Variants in CEP128 observed in about 807,000 individuals in gnomAD.
The protein encoded by CEP128 is centrosomal protein 128kDa.
A neutral mutation model predicts 156.7 loss-of-function variants in CEP128; 132 were observed. The observed-to-expected ratio is 0.84, with a 90% confidence interval of 0.73 to 0.97. The LOEUF (loss-of-function observed/expected upper bound fraction) is 0.97. Among genes scored for constraint, CEP128 ranks in the 50% least tolerant of loss-of-function variants. CEP128 has a pLI of 0.00. For synonymous variants in CEP128, 469 were observed against 448.9 expected (o/e 1.04, Z -0.57); for missense variants, 1,252 against 1,281.9 (o/e 0.98, Z 0.36).
intron 23 of CEP128, among the ~76,000 whole-genome samples, chr14:80,522,368 CA>C (rs916852823): frequency 2.6e-5 from 4 of 152,190 alleles, no homozygotes; most frequent in Non-Finnish European, 5.9e-5. Context: ...ATATCACACA[CA>C]TGCTTACATT....
intron 20 of CEP128, among the ~76,000 whole-genome samples, chr14:80,565,832 T>C (rs779679657): frequency 6.6e-6 from 1 of 152,160 alleles, no homozygotes; most frequent in Non-Finnish European, 1.5e-5. Flanking sequence ...AACTTATAGG[T>C]CTAAATAATA....
intron 19 of CEP128, among the ~76,000 whole-genome samples, chr14:80,680,608 T>G (rs186917193): frequency 1.3e-5 from 2 of 152,280 alleles, no homozygotes; most frequent in East Asian, 1.9e-4. Flanking sequence ...ACCCACACTG[T>G]GCAGAAATTG....
intron 19 of CEP128, among the ~76,000 whole-genome samples, chr14:80,649,815 G>A (rs1178612727): frequency 1.3e-5 from 2 of 152,142 alleles, no homozygotes; most frequent in African/African-American, 4.8e-5. Context: ...TTTGGTTACT[G>A]TAGCCTTATA....
At chr14:80,516,718 G>A (rs1888507023) in intron 23 of CEP128, among the ~76,000 whole-genome samples, 1 of 152,052 alleles carries the variant, frequency 6.6e-6, no homozygotes, top group African/African-American at 2.4e-5. Context: ...ACTGTGACAG[G>A]GTAGCACTGA....
intron 14 of CEP128, among the ~76,000 whole-genome samples, chr14:80,482,495 T>C (rs978495323): frequency 6.6e-6 from 1 of 152,206 alleles, no homozygotes; most frequent in Non-Finnish European, 1.5e-5. Flanking sequence ...TTAGAATCAA[T>C]AGCACTCTTA....
intron 19 of CEP128, among the ~76,000 whole-genome samples, chr14:80,681,941 G>GA (rs1368230820): frequency 2.0e-5 from 3 of 151,830 alleles, no homozygotes; most frequent in Admixed American, 6.6e-5. Flanking sequence ...CTGTCTCTAT[G>GA]AAAAAAATAA....
At chr14:80,572,062 T>C (rs1891162190) in intron 20 of CEP128, among the ~76,000 whole-genome samples, 1 of 152,192 alleles carries the variant, frequency 6.6e-6, no homozygotes, top group Admixed American at 6.5e-5. Context: ...ACTTTTTCCC[T>C]CTCCTTTGAC....
chr14:80,731,232 G>A (rs1021471587), intron 19 of CEP128, among the ~76,000 whole-genome samples: 2 of 152,146 alleles, frequency 1.3e-5, no homozygotes, highest in South Asian at 2.1e-4. Flanking sequence ...ATTTTGATAT[G>A]CTATATAGCA....
intron 16 of CEP128, among the ~76,000 whole-genome samples, chr14:80,772,649 C>T (rs765041373): frequency 2.0e-5 from 3 of 152,130 alleles, no homozygotes; most frequent in Admixed American, 6.5e-5. Flanking sequence ...GTCACAGACA[C>T]CCACGCCTGG....
intron 14 of CEP128, among the ~76,000 whole-genome samples, chr14:80,482,241 T>G (rs1441081619): frequency 6.6e-6 from 1 of 152,242 alleles, no homozygotes; most frequent in Non-Finnish European, 1.5e-5. Context: ...TAGTAGTCAC[T>G]GATTGGTGGT....
intron 9 of CEP128, among the ~76,000 whole-genome samples, chr14:80,848,513 T>C (rs1017204884): frequency 1.2e-4 from 18 of 152,024 alleles, no homozygotes; most frequent in Admixed American, 3.3e-4. Flanking sequence ...TACAAAAAAT[T>C]AGCTGGGTGT....
chr14:80,790,994 A>G (rs545361830), intron 14 of CEP128, among the ~76,000 whole-genome samples: 122 of 152,290 alleles, frequency 8.0e-4, no homozygotes, highest in Non-Finnish European at 1.4e-3. Context: ...TCACTTTTTG[A>G]AAATAATTAG....
intron 19 of CEP128, among the ~76,000 whole-genome samples, chr14:80,637,352 T>A (rs367917766): frequency 3.3e-5 from 5 of 151,842 alleles, no homozygotes; most frequent in African/African-American, 9.7e-5. Flanking sequence ...ATCAGGAAAA[T>A]CCTTAAAAGT....
intron 2 of CEP128, among the ~76,000 whole-genome samples, chr14:80,932,960 A>G (rs58078360): frequency 0.15 from 22,512 of 152,034 alleles, 2,252 homozygotes; most frequent in East Asian, 0.46. Flanking sequence ...TTCTGGTTCC[A>G]TGTTTTCCAT....
rs922315774 is a variant in CEP128, at chr14:80,836,104, T to A, written c.1057+101A>T. On this transcript the variant is annotated intron_variant, in intron 12 of 24. Transcript: ENST00000555265. ...ATCAAGAAATAGTATGACGTGAGCA[T>A]CACAAAGGAATGCAATTCTGAGGAT... The A allele has an allele frequency of 2.5e-5, 27 of 1,073,400 alleles. No homozygotes were observed. The African/African-American group carries it at 4.1e-4, about 16-fold the overall frequency. 66.5% of individuals were successfully genotyped at this position (1,073,400 alleles called of 1,614,324 possible). A position where few individuals can be genotyped will look rare whatever the true frequency, so the allele number is the denominator to read the frequency against.
At chr14:80,785,643 A>C in intron 14 of CEP128, 98 bp from the exon 15 acceptor site, 1 of 851,752 alleles carries the variant, frequency 1.2e-6, no homozygotes, top group South Asian at 2.3e-5. Flanking sequence ...TTAACCCACA[A>C]GGAAAAAAAA....
At position 80,836,232 on chromosome 14, in the gene CEP128, G is replaced by C. The variant is rs1420646335; in HGVS notation, c.1030C>G (p.Gln344Glu). The C allele has an allele frequency of 1.9e-6, 3 of 1,613,744 alleles. No homozygotes were observed. In the Admixed American group the frequency reaches 5.0e-5, roughly 27 times the overall value. ...SKQQSNYQDE[Q>E]GEDWRFRRGV... ...CTCCTAAATCTCCAGTCCTCCCCTT[G>C]TTCATCCTGATAGTTTGACTGTTGC... is the stretch of plus-strand genomic sequence containing the variant. Residue 344 changes from glutamine (Q) to glutamate (E), a missense_variant, in exon 12 of 25, where the codon CAA becomes GAA. Physicochemically the swap from Gln to Glu is conservative, Grantham distance 29. Coordinates refer to ENST00000555265, the MANE Select transcript of CEP128 (RefSeq NM_152446.5).
Position 80,651,194 on chromosome 14 carries a change from T to G in CEP128, c.2807-70771A>C, listed in dbSNP as rs147302072. ...TTCCATTTCTTCTAGATTTTCTAGT[T>G]TATTTGCATAGAAGTGTTTACAGTA... On this transcript the variant is annotated intron_variant, in intron 19 of 24. Transcript: ENST00000555265. Among the ~76,000 whole-genome samples, 949 of 152,290 alleles carry G rather than the reference T, an allele frequency of 6.2e-3. 5 individuals are homozygous for G. The highest frequency in any genetic ancestry group is 0.021 in the African/African-American group (883 of 41,562).
intron 19 of CEP128, among the ~76,000 whole-genome samples, chr14:80,587,526 T>G (rs1891870074): frequency 6.6e-6 from 1 of 152,152 alleles, no homozygotes; most frequent in Non-Finnish European, 1.5e-5. Flanking sequence ...CCTTAGAGAT[T>G]TAAAACCACT....
Sources: gnomAD v4.1 joint callset for allele counts (sites outside exome capture counted in the v4.1 genomes callset) on GRCh38, gnomAD v4.1.1 for gene constraint, MANE v1.5 for transcripts, NCBI Gene and HGNC (gene_info 2026-07-23, HGNC 2026-07-21) for gene names.